Variants in COL6A6 observed in about 807,000 individuals in gnomAD.
COL6A6 encodes the protein collagen alpha-6(VI) chain.
Under a neutral mutation model 208.6 loss-of-function variants are expected in COL6A6, and 183 were observed. The ratio of observed to expected loss-of-function variants is 0.88; its 90% CI spans 0.78 to 0.99. The LOEUF (loss-of-function observed/expected upper bound fraction) is 0.99, where lower values mean the gene tolerates loss of function less well. Ranked by LOEUF, COL6A6 falls within the 50% of genes least tolerant of loss-of-function variation. COL6A6 has a pLI of 0.00. For missense variants in COL6A6, 2,816 were observed against 2,815.2 expected, an observed-to-expected ratio of 1.00 and a Z score of -0.01; for synonymous variants, 973 against 1,011.8, an observed-to-expected ratio of 0.96 and a Z score of 0.73.
intron 32 of COL6A6, among the ~76,000 whole-genome samples, chr3:130,645,986 G>A (rs1182902448): frequency 6.6e-6 from 1 of 152,168 alleles, no homozygotes; most frequent in African/African-American, 2.4e-5. Context: ...GGGATACAGA[G>A]TTGAATAATG....
At position 130,585,087 on chromosome 3, in the gene COL6A6, C is replaced by T. The variant is rs138489850; in HGVS notation, c.3971-1419C>T. On this transcript the variant is annotated intron_variant, in intron 10 of 36. Coordinates refer to ENST00000358511, the MANE Select transcript of COL6A6 (RefSeq NM_001102608.3). ...AGGTGTTCTTGACTCTCAGCCAAGTCCTTGAACATTTATCTATTCTGGTTC... is the reference window on the plus strand; with the variant it reads ...AGGTGTTCTTGACTCTCAGCCAAGTTCTTGAACATTTATCTATTCTGGTTC... Among the ~76,000 whole-genome samples the T allele has an allele frequency of 4.3e-3, 660 of 152,252 alleles. 10 individuals carry two copies. Among genetic ancestry groups the T allele is most frequent in the African/African-American group, 0.015 (624 of 41,540 alleles).
intron 36 of COL6A6, among the ~76,000 whole-genome samples, chr3:130,671,290 A>G (rs979990136): frequency 1.3e-5 from 2 of 152,146 alleles, no homozygotes; most frequent in African/African-American, 4.8e-5. Flanking sequence ...CATTTTTGAA[A>G]ACCACTCCTA....
chr3:130,606,713 T>A (rs1302965198), intron 20 of COL6A6, among the ~76,000 whole-genome samples: 1 of 152,226 alleles, frequency 6.6e-6, no homozygotes, highest in African/African-American at 2.4e-5. Context: ...ATTTCTATTG[T>A]CAGTTATTTC....
At chr3:130,607,220 G>C (rs969956531) in intron 21 of COL6A6, among the ~76,000 whole-genome samples, 2 of 152,084 alleles carry the variant, frequency 1.3e-5, no homozygotes, top group Non-Finnish European at 2.9e-5. Context: ...AACTTTGCTT[G>C]GATTTTAAGT....
At chr3:130,599,099 A>C (rs1205458545) in intron 19 of COL6A6, among the ~76,000 whole-genome samples, 1 of 152,088 alleles carries the variant, frequency 6.6e-6, no homozygotes, top group Admixed American at 6.5e-5. Flanking sequence ...CTTTCTGTAA[A>C]CCCCAATTTT....
intron 8 of COL6A6, among the ~76,000 whole-genome samples, chr3:130,577,911 A>G (rs1219623765): frequency 2.0e-5 from 3 of 152,208 alleles, no homozygotes; most frequent in African/African-American, 7.2e-5. Context: ...CAGGAGGACA[A>G]TTTACCAACA....
intron 23 of COL6A6, among the ~76,000 whole-genome samples, chr3:130,616,223 ATTG>A (rs2064516421): frequency 6.6e-6 from 1 of 151,752 alleles, no homozygotes; most frequent in Admixed American, 6.6e-5. Flanking sequence ...TAGGTTTCAT[ATTG>A]TTTTACAGCA....
intron 33 of COL6A6, among the ~76,000 whole-genome samples, chr3:130,653,846 G>C (rs2065712919): frequency 6.6e-6 from 1 of 152,154 alleles, no homozygotes; most frequent in African/African-American, 2.4e-5. Flanking sequence ...GGTATTGGGT[G>C]AGAGTGCAGA....
At chr3:130,563,694 T>C (rs2062949837) in intron 3 of COL6A6, 30 bp downstream of exon 3, 1 of 1,433,576 alleles carries the variant, frequency 7.0e-7, no homozygotes, top group Admixed American at 2.1e-5. Context: ...ATAGGAATGA[T>C]GATAAAACGC....
chr3:130,590,446 T>C (rs1235642479), intron 12 of COL6A6, among the ~76,000 whole-genome samples: 2 of 145,252 alleles, frequency 1.4e-5, no homozygotes, highest in African/African-American at 5.0e-5. Flanking sequence ...TATCTCCTAA[T>C]GCTATCCCTC....
In COL6A6 at chr3:130,523,524, G is replaced by T. The variant is rs548624578; in HGVS notation, c.-32+6127G>T. 8.5e-5 allele frequency among the ~76,000 whole-genome samples: 13 copies of T among 152,268 alleles called. No homozygotes were observed. In the South Asian group the frequency reaches 2.7e-3, roughly 32 times the overall value. ...GAACTTCAGTTTTCTCATCAAAGTG[G>T]AAACAATATTCAAGCACAGGGTGAT... On this transcript the variant is annotated intron_variant, in intron 1 of 36. Transcript: ENST00000358511.
chr3:130,534,544 G>T (rs2062180246), intron 1 of COL6A6, among the ~76,000 whole-genome samples: 1 of 152,064 alleles, frequency 6.6e-6, no homozygotes, highest in Admixed American at 6.6e-5. Context: ...GTTTGGGTTT[G>T]CATTTTGACA....
chr3:130,538,603 G>A (rs1014396182), intron 1 of COL6A6, among the ~76,000 whole-genome samples: 3 of 152,196 alleles, frequency 2.0e-5, no homozygotes, highest in Non-Finnish European at 2.9e-5. Flanking sequence ...TGAGAAATGG[G>A]TTCAAAGCAA....
At position 130,598,419 on chromosome 3, in the gene COL6A6, C is replaced by T. The variant is rs377422894; in HGVS notation, c.4588C>T (p.Arg1530Cys). 115 of 1,550,262 alleles carry T rather than the reference C, an allele frequency of 7.4e-5. 1 individual carries two copies. Among genetic ancestry groups the T allele is most frequent in the African/African-American group, 3.4e-4 (25 of 73,124 alleles). Residue 1530 changes from arginine to cysteine, a missense_variant, in exon 19 of 37, where the codon CGT (arginine) becomes TGT (cysteine). Transcript: ENST00000358511. ...IEGPTGLKGE[R>C]GRQGRRGWPG... The stretch of plus-strand genomic sequence containing the variant: ...AGGACCCACAGGCTTGAAAGGAGAA[C>T]GTGGAAGACAAGTAATTACGTGGGC...
chr3:130,550,069 A>T (rs1289046285), intron 1 of COL6A6, among the ~76,000 whole-genome samples: 1 of 152,050 alleles, frequency 6.6e-6, no homozygotes, highest in Non-Finnish European at 1.5e-5. Flanking sequence ...TTTGTGGCTA[A>T]TGCGAGTGGG....
intron 1 of COL6A6, among the ~76,000 whole-genome samples, chr3:130,546,149 G>A (rs2062489905): frequency 6.6e-6 from 1 of 152,096 alleles, no homozygotes; most frequent in Middle Eastern, 3.2e-3. Context: ...TGAAGCCCCG[G>A]ACCCTCGCGG....
intron 36 of COL6A6, among the ~76,000 whole-genome samples, chr3:130,666,534 G>A (rs542695986): frequency 1.3e-5 from 2 of 152,250 alleles, no homozygotes; most frequent in African/African-American, 4.8e-5. Context: ...GAGAATATAG[G>A]TGAAAGATAT....
At chr3:130,653,723 A>C (rs975965632) in intron 33 of COL6A6, among the ~76,000 whole-genome samples, 1 of 152,224 alleles carries the variant, frequency 6.6e-6, no homozygotes, top group African/African-American at 2.4e-5. Flanking sequence ...TATGCTAACT[A>C]TACTTATTCC....
At chr3:130,563,725 G>A in intron 3 of COL6A6, 61 bp downstream of exon 3, 1 of 1,119,830 alleles carries the variant, frequency 8.9e-7, no homozygotes, top group Non-Finnish European at 1.3e-6. Context: ...TTAAAATGGG[G>A]AGAGGATTGA....
Sources: allele counts gnomAD v4.1 joint callset (sites outside exome capture counted in the v4.1 genomes callset), GRCh38; gene constraint gnomAD v4.1.1; transcripts MANE v1.5; gene names NCBI Gene and HGNC (gene_info 2026-07-23, HGNC 2026-07-21).